The following LRRC4B variants were observed in gnomAD, a reference collection of about 807,000 sequenced individuals.
LRRC4B encodes the protein leucine-rich repeat-containing protein 4B.
LRRC4B carries 1 observed loss-of-function variant against 7.3 expected under a neutral mutation model. That is an observed-to-expected ratio of 0.14 (90% CI 0.05 to 0.65). LRRC4B has a LOEUF of 0.65. LRRC4B is among the 30% of genes least tolerant of loss of function. LRRC4B has a pLI of 0.84. For missense variants in LRRC4B, 730 were observed against 1,041.6 expected (o/e 0.70, Z 4.12); for synonymous variants, 500 against 499.2 (o/e 1.00, Z -0.02).
intron 2 of LRRC4B, among the ~76,000 whole-genome samples, chr19:50,525,369 G>A (rs954900221): frequency 1.3e-5 from 2 of 150,732 alleles, no homozygotes; most frequent in African/African-American, 2.4e-5. Flanking sequence ...GCCCTGAGCC[G>A]TCCACTGAAA....
intron 1 of LRRC4B, among the ~76,000 whole-genome samples, chr19:50,566,739 C>A (rs1410182567): frequency 6.7e-6 from 1 of 149,032 alleles, no homozygotes; most frequent in East Asian, 2.0e-4. Context: ...GGAGAGGCTC[C>A]CAAAAGGAGA....
chr19:50,542,992 G>A (rs1203301027), intron 2 of LRRC4B, among the ~76,000 whole-genome samples: 1 of 152,146 alleles, frequency 6.6e-6, no homozygotes, highest in Non-Finnish European at 1.5e-5. Context: ...AGGGGCAGGC[G>A]AGAACAGGAG....
intron 2 of LRRC4B, among the ~76,000 whole-genome samples, chr19:50,535,331 C>A (rs1045085711): frequency 2.0e-5 from 3 of 152,116 alleles, no homozygotes; most frequent in Admixed American, 2.0e-4. Flanking sequence ...AACAACCACA[C>A]CAGGCTAATT....
intron 1 of LRRC4B, among the ~76,000 whole-genome samples, chr19:50,552,718 G>GCCCA (rs1982142111): frequency 1.2e-5 from 1 of 86,856 alleles, no homozygotes; most frequent in Non-Finnish European, 2.2e-5. Context: ...CCGTCCATCC[G>GCCCA]TCTATCCATC....
chr19:50,547,706 C>G lies in LRRC4B; in HGVS notation c.297+836G>C, dbSNP rs1424955307. Among the ~76,000 whole-genome samples the G allele has an allele frequency of 4.0e-5, 6 of 149,778 alleles. No individual in the cohort carries two copies. The Admixed American group carries it at 4.0e-4, about 10-fold the overall frequency. ...CCTACAGCACACAGGACAGAGCCCCCCACCCTGCCCGCCAAAGGATGATAG... is the reference window on the plus strand; with the variant it reads ...CCTACAGCACACAGGACAGAGCCCCGCACCCTGCCCGCCAAAGGATGATAG... On this transcript the variant is annotated intron_variant, in intron 2 of 2. Transcript: ENST00000652263.
rs1224304818 is a variant in LRRC4B, at chr19:50,555,910, A to C, written c.-35-7037T>G. 1 of 152,344 alleles carries C rather than the reference A, an allele frequency of 6.6e-6. No individual in the cohort carries two copies. Among genetic ancestry groups the C allele is most frequent in the African/African-American group, 2.4e-5 (1 of 41,406 alleles). The allele number at this position is 152,344 out of a possible 1,614,324, so 9.4% of individuals were successfully genotyped here. ...GGACTGGGGCAGAAGTGGAGCCTGG[A>C]GCCCAGAGGGTGGAGAGGGATTGAA... is the stretch of plus-strand genomic sequence containing the variant. On this transcript the variant is annotated intron_variant, in intron 1 of 2. Coordinates refer to ENST00000652263, the MANE Select transcript of LRRC4B (RefSeq NM_001080457.2). This position sits in a 1 kb window ranked among gnomAD's most constrained non-coding sequence, Gnocchi z 5.2.
chr19:50,548,461 G>A lies in LRRC4B; in HGVS notation c.297+81C>T. The stretch of plus-strand genomic sequence containing the variant: ...AGACGGGGAAGCCCCGGTGTGGGGA[G>A]GCCCAGAAGGGATGGGCTACATCTG... On this transcript the variant is annotated intron_variant, in intron 2 of 2. Coordinates refer to ENST00000652263, the MANE Select transcript of LRRC4B (RefSeq NM_001080457.2). This position sits in a 1 kb window ranked among gnomAD's most constrained non-coding sequence, Gnocchi z 6.8. 6.6e-7 allele frequency: 1 copy of A among 1,513,330 alleles called. No individual in the cohort carries two copies. The highest frequency in any genetic ancestry group is 2.4e-5 in the East Asian group (1 of 40,852). 93.7% of individuals were successfully genotyped at this position (1,513,330 alleles called of 1,614,324 possible).
Position 50,556,280 on chromosome 19 carries a change from G to A in LRRC4B, c.-35-7407C>T, listed in dbSNP as rs12978006. 6.6e-6 allele frequency among the ~76,000 whole-genome samples: 1 copy of A among 151,454 alleles called. No homozygotes were observed. Among genetic ancestry groups the A allele is most frequent in the East Asian group, 2.0e-4 (1 of 5,108 alleles). ...GCAGTCGGGGTGGGGGTGAGGTGCA[G>A]TGGGTGGGGGTGAGGTGGTGACTTG... is the stretch of plus-strand genomic sequence containing the variant. On this transcript the variant is annotated intron_variant, in intron 1 of 2. Coordinates refer to ENST00000652263, the MANE Select transcript of LRRC4B (RefSeq NM_001080457.2). The surrounding 1 kb of genome is among the most constrained non-coding windows in gnomAD (Gnocchi z 4.2).
At chr19:50,547,283 T>G (rs1311188003) in intron 2 of LRRC4B, among the ~76,000 whole-genome samples, 1 of 152,028 alleles carries the variant, frequency 6.6e-6, no homozygotes, top group Non-Finnish European at 1.5e-5. Context: ...TCTGGACCCC[T>G]TCGCTGGCCC....
intron 2 of LRRC4B, among the ~76,000 whole-genome samples, chr19:50,538,895 CT>C (rs1012659232): frequency 2.2e-4 from 32 of 143,530 alleles, no homozygotes; most frequent in African/African-American, 4.6e-4. Context: ...CGCACGCCGC[CT>C]TTTTTTTTTC....
chr19:50,554,025 A>C (rs1599783770), intron 1 of LRRC4B, among the ~76,000 whole-genome samples: 3 of 120,168 alleles, frequency 2.5e-5, no homozygotes, highest in African/African-American at 6.6e-5. Flanking sequence ...ACAGAGTCTC[A>C]CTCTGTTGCC....
Position 50,556,661 on chromosome 19 carries a change from T to A in LRRC4B, c.-35-7788A>T, listed in dbSNP as rs1162475875. Among the ~76,000 whole-genome samples the A allele has an allele frequency of 6.6e-6, 1 of 152,202 alleles. No homozygotes were observed. The highest frequency in any genetic ancestry group is 1.5e-5 in the Non-Finnish European group (1 of 68,024). On this transcript the variant is annotated intron_variant, in intron 1 of 2. Transcript: ENST00000652263. This position sits in a 1 kb window ranked among gnomAD's most constrained non-coding sequence, Gnocchi z 4.2. ...GCTAAGAGGGGAGCCCCTGAGGGCT[T>A]TGCCGCGGCGTCCACGGCTGCATCC...
At chr19:50,557,435 A>T (rs1395388687) in intron 1 of LRRC4B, among the ~76,000 whole-genome samples, 1 of 152,198 alleles carries the variant, frequency 6.6e-6, no homozygotes, top group Non-Finnish European at 1.5e-5. Context: ...TGGCTGTGCC[A>T]CTTTGGGCCA....
intron 1 of LRRC4B, among the ~76,000 whole-genome samples, chr19:50,554,153 C>T (rs532471733): frequency 2.6e-5 from 4 of 152,082 alleles, no homozygotes; most frequent in African/African-American, 7.2e-5. Flanking sequence ...ACCACCACCC[C>T]GGCTAATTTT....
At position 50,563,768 on chromosome 19, in the gene LRRC4B, C is replaced by A. The variant is rs1568739096; in HGVS notation, c.-36+4176G>T. ...GTGCCTTCACGCAACGCTGACTTTC[C>A]AACACTGTGAGGGGCTGGCAGTTTC... is the stretch of plus-strand genomic sequence containing the variant. On this transcript the variant is annotated intron_variant, in intron 1 of 2. Transcript: ENST00000652263. The surrounding 1 kb of genome is among the most constrained non-coding windows in gnomAD (Gnocchi z 4.9). 6.6e-6 allele frequency among the ~76,000 whole-genome samples: 1 copy of A among 152,220 alleles called. No homozygotes were observed. Among genetic ancestry groups the A allele is most frequent in the Non-Finnish European group, 1.5e-5 (1 of 68,030 alleles).
chr19:50,550,126 C>A (rs1981991848), intron 1 of LRRC4B, among the ~76,000 whole-genome samples: 1 of 152,098 alleles, frequency 6.6e-6, no homozygotes, highest in African/African-American at 2.4e-5. Flanking sequence ...CTCATAATGA[C>A]CATAGGAGAA....
At chr19:50,533,621 ATCTCTGACTCTAAAACAAAGAGACAT>A (rs1290850600) in intron 2 of LRRC4B, among the ~76,000 whole-genome samples, 1 of 152,218 alleles carries the variant, frequency 6.6e-6, no homozygotes, top group East Asian at 1.9e-4. Flanking sequence ...AGCTGATCTC[ATCTCTGACTCTAAAACAAAGAGACAT>A]CCTGGTCAGC....
At chr19:50,520,245 AAAG>A (rs1568716032) in intron 2 of LRRC4B, among the ~76,000 whole-genome samples, 1,595 of 42,256 alleles carry the variant, frequency 0.038, 167 homozygotes, top group South Asian at 0.072. Context: ...AAAAAAAAAA[AAAG>A]AAGAAAAGAA....
chr19:50,545,912 T>C (rs1375482334), intron 2 of LRRC4B, among the ~76,000 whole-genome samples: 1 of 151,714 alleles, frequency 6.6e-6, no homozygotes, highest in African/African-American at 2.4e-5. Context: ...TTAGTGGAGA[T>C]GGGGATTTGC....
Sources: allele counts gnomAD v4.1 joint callset (sites outside exome capture counted in the v4.1 genomes callset), GRCh38; gene constraint gnomAD v4.1.1; non-coding constraint Gnocchi (gnomAD v3.1); transcripts MANE v1.5; gene names NCBI Gene and HGNC (gene_info 2026-07-23, HGNC 2026-07-21).